The following RAI14 variants were observed in gnomAD, a reference collection of about 807,000 sequenced individuals.
RAI14 encodes ankycorbin.
Under a neutral mutation model 115.4 loss-of-function variants are expected in RAI14, and 45 were observed. The observed-to-expected ratio is 0.39, with a 90% CI of 0.31 to 0.50. The LOEUF (loss-of-function observed/expected upper bound fraction) is 0.50, where lower values mean the gene tolerates loss of function less well. RAI14 is among the 20% of genes least tolerant of loss of function. RAI14 has a pLI of 0.85. For synonymous variants in RAI14, 371 were observed against 415.4 expected (o/e 0.89, Z 1.30); for missense variants, 939 against 1,131.2 (o/e 0.83, Z 2.44).
chr5:34,688,747 A>C (rs1188662261), intron 2 of RAI14, among the ~76,000 whole-genome samples: 1 of 151,790 alleles, frequency 6.6e-6, no homozygotes, highest in Non-Finnish European at 1.5e-5. Context: ...AGAACCGTAC[A>C]GCTAAATGGA....
intron 2 of RAI14, among the ~76,000 whole-genome samples, chr5:34,755,635 T>C (rs960616567): frequency 6.6e-6 from 1 of 152,174 alleles, no homozygotes; most frequent in Non-Finnish European, 1.5e-5. Context: ...AGTAGCACTC[T>C]ATAGACATAA....
At chr5:34,742,467 T>G (rs1745627322) in intron 2 of RAI14, among the ~76,000 whole-genome samples, 1 of 152,212 alleles carries the variant, frequency 6.6e-6, no homozygotes, top group Non-Finnish European at 1.5e-5. Flanking sequence ...TAGGTGATTC[T>G]AATGTGCAGC....
intron 4 of RAI14, among the ~76,000 whole-genome samples, chr5:34,799,051 G>A (rs1316593328): frequency 6.6e-6 from 1 of 152,134 alleles, no homozygotes; most frequent in Non-Finnish European, 1.5e-5. Flanking sequence ...AAGAGAACAC[G>A]GGAACAAAAG....
chr5:34,769,245 A>G (rs1580194029), intron 3 of RAI14, among the ~76,000 whole-genome samples: 1 of 152,160 alleles, frequency 6.6e-6, no homozygotes, highest in Middle Eastern at 3.2e-3. Context: ...TCAGTTCCTA[A>G]TAGAAGCAGT....
intron 2 of RAI14, among the ~76,000 whole-genome samples, chr5:34,724,551 T>C (rs1342800378): frequency 6.6e-6 from 1 of 152,088 alleles, no homozygotes; most frequent in Non-Finnish European, 1.5e-5. Flanking sequence ...GTGATAAAAC[T>C]GGCAAGTGGA....
intron 3 of RAI14, among the ~76,000 whole-genome samples, chr5:34,789,689 A>G (rs1752703647): frequency 6.6e-6 from 1 of 152,102 alleles, no homozygotes; most frequent in Admixed American, 6.5e-5. Flanking sequence ...TTATCAAGCA[A>G]CATGTCACAG....
chr5:34,669,223 A>T (rs1743451601), intron 1 of RAI14, among the ~76,000 whole-genome samples: 1 of 152,178 alleles, frequency 6.6e-6, no homozygotes, highest in African/African-American at 2.4e-5. Flanking sequence ...TTCCTTTTGC[A>T]ACTGCTTTTC....
At chr5:34,709,978 C>T (rs182582694) in intron 2 of RAI14, among the ~76,000 whole-genome samples, 25 of 152,316 alleles carry the variant, frequency 1.6e-4, no homozygotes, top group Admixed American at 7.8e-4. Flanking sequence ...TGGCCTTTTG[C>T]AGTTCCTTTG....
chr5:34,752,822 C>T (rs1256340111), intron 2 of RAI14, among the ~76,000 whole-genome samples: 1 of 146,130 alleles, frequency 6.8e-6, no homozygotes, highest in Non-Finnish European at 1.5e-5. Flanking sequence ...GGTTGGAGTG[C>T]GGTGGTGCAA....
At chr5:34,824,597 C>G in intron 15 of RAI14, 106 bp downstream of exon 15, 1 of 890,512 alleles carries the variant, frequency 1.1e-6, no homozygotes, top group Non-Finnish European at 1.6e-6. Flanking sequence ...GGAGTGAATG[C>G]TCAGAGGCTC....
At chr5:34,748,435 C>G (rs557500906) in intron 2 of RAI14, among the ~76,000 whole-genome samples, 6 of 152,256 alleles carry the variant, frequency 3.9e-5, no homozygotes, top group Admixed American at 1.3e-4. Flanking sequence ...TGTTTATGCT[C>G]TCTACTAAAT....
chr5:34,745,475 A>G (rs576565722), intron 2 of RAI14, among the ~76,000 whole-genome samples: 5 of 152,174 alleles, frequency 3.3e-5, no homozygotes, highest in Non-Finnish European at 7.4e-5. Flanking sequence ...TCAATGACCC[A>G]TCCAACACCT....
At chr5:34,757,414 G>A (rs1748035871) in intron 2 of RAI14, 54 bp from the exon 3 acceptor site, 2 of 1,598,760 alleles carry the variant, frequency 1.3e-6, no homozygotes, top group East Asian at 2.2e-5. Flanking sequence ...CTGCTGGTCA[G>A]TGCGGCTGTG....
chr5:34,684,086 TAGCCAGCGACAG>T (rs1481047653), intron 1 of RAI14, among the ~76,000 whole-genome samples: 18 of 145,302 alleles, frequency 1.2e-4, no homozygotes, highest in African/African-American at 5.2e-4. Flanking sequence ...CAGCGACAGT[TAGCCAGCGACAG>T]TTGGGGAATA....
intron 17 of RAI14, 134 bp downstream of exon 17, chr5:34,829,931 A>T (rs1030182209): frequency 4.1e-6 from 3 of 740,188 alleles, no homozygotes; most frequent in African/African-American, 1.8e-5. Flanking sequence ...AAGCCTGAAT[A>T]TGCCTTTTGC....
chr5:34,689,729 G>A (rs932442387), intron 2 of RAI14, among the ~76,000 whole-genome samples: 5 of 152,006 alleles, frequency 3.3e-5, no homozygotes, highest in African/African-American at 9.6e-5. Flanking sequence ...AAAATTAGCC[G>A]GGTGTGGTGG....
intron 1 of RAI14, among the ~76,000 whole-genome samples, chr5:34,666,406 C>T (rs1289311813): frequency 6.6e-6 from 1 of 152,108 alleles, no homozygotes; most frequent in Non-Finnish European, 1.5e-5. Context: ...GAAATATCCC[C>T]AACTGGCTCT....
intron 2 of RAI14, among the ~76,000 whole-genome samples, chr5:34,694,116 A>G (rs959926597): frequency 2.6e-5 from 4 of 152,214 alleles, no homozygotes; most frequent in Non-Finnish European, 5.9e-5. Flanking sequence ...ACCAATATGA[A>G]ACCGAGGGCC....
In RAI14 at chr5:34,815,369, G is replaced by T. The variant is rs377107548; in HGVS notation, c.939+700G>T. On this transcript the variant is annotated intron_variant, in intron 12 of 17. Transcript: ENST00000265109. ...GCACTCTAGCTTGGCAACAGGGCGAGACTCCGTCTCAAAAAAAAAAAAAGA... is the reference window on the plus strand; with the variant it reads ...GCACTCTAGCTTGGCAACAGGGCGATACTCCGTCTCAAAAAAAAAAAAAGA... Among the ~76,000 whole-genome samples the T allele has an allele frequency of 1.2e-3, 185 of 149,498 alleles. 1 individual carries two copies. Among genetic ancestry groups the T allele is most frequent in the African/African-American group, 4.4e-3 (181 of 40,682 alleles).
Sources: gnomAD v4.1 joint callset for allele counts (sites outside exome capture counted in the v4.1 genomes callset) on GRCh38, gnomAD v4.1.1 for gene constraint, MANE v1.5 for transcripts, NCBI Gene and HGNC (gene_info 2026-07-23, HGNC 2026-07-21) for gene names.